ENTREP2: variants seen among roughly 807,000 people sequenced by gnomAD.
ENTREP2 encodes endosomal transmembrane epsin interactor 2.
chr15:29,631,520 C>T, the ENTREP2 span, among the ~76,000 whole-genome samples: 7 of 152,160 alleles, frequency 4.6e-5, no homozygotes, highest in East Asian at 1.9e-4. Context: ...GTGCCACCTG[C>T]GGGGCACTCT....
the ENTREP2 span, among the ~76,000 whole-genome samples, chr15:29,513,212 A>T: frequency 6.6e-6 from 1 of 152,170 alleles, no homozygotes; most frequent in African/African-American, 2.4e-5. Context: ...AGGGACCACA[A>T]GGGCCGCCTG....
chr15:29,435,222 C>G, the ENTREP2 span, among the ~76,000 whole-genome samples: 12 of 152,138 alleles, frequency 7.9e-5, no homozygotes, highest in African/African-American at 2.2e-4. Context: ...GTTTTTAAGA[C>G]AGCAAGAAAC....
At chr15:29,482,164 A>AT in the ENTREP2 span, among the ~76,000 whole-genome samples, 1,552 of 135,224 alleles carry the variant, frequency 0.011, 35 homozygotes, top group East Asian at 0.034. Flanking sequence ...CAGGCAGCTA[A>AT]TTTTTTTTTT....
the ENTREP2 span, among the ~76,000 whole-genome samples, chr15:29,257,150 C>T: frequency 3.3e-5 from 5 of 151,630 alleles, no homozygotes; most frequent in Admixed American, 6.6e-5. Context: ...CTCGACTCAC[C>T]GCAGTCTCCA....
chr15:29,330,343 G>A, the ENTREP2 span, among the ~76,000 whole-genome samples: 2 of 151,978 alleles, frequency 1.3e-5, no homozygotes, highest in Non-Finnish European at 2.9e-5. Flanking sequence ...CAGCTACTCA[G>A]GAGGCTGAGG....
chr15:29,530,112 G>A, the ENTREP2 span, among the ~76,000 whole-genome samples: 9 of 152,092 alleles, frequency 5.9e-5, no homozygotes, highest in African/African-American at 1.7e-4. Context: ...TCCCATGCTC[G>A]GATGTACGGA....
chr15:29,510,785 C>T, the ENTREP2 span, among the ~76,000 whole-genome samples: 10 of 140,338 alleles, frequency 7.1e-5, no homozygotes, highest in African/African-American at 1.9e-4. Flanking sequence ...ACTCCAGCCT[C>T]GGCGACAGAG....
chr15:29,224,415 G>C, the ENTREP2 span, among the ~76,000 whole-genome samples: 6 of 152,234 alleles, frequency 3.9e-5, no homozygotes, highest in South Asian at 4.2e-4. Context: ...CTGCTGGCTC[G>C]GGCAGCCCGC....
the ENTREP2 span, among the ~76,000 whole-genome samples, chr15:29,371,228 C>A: frequency 6.6e-6 from 1 of 152,010 alleles, no homozygotes; most frequent in Non-Finnish European, 1.5e-5. Context: ...GTGGATCTTG[C>A]CAGTCAGCAC....
the ENTREP2 span, chr15:29,376,584 ACAG>A: frequency 7.0e-6 from 1 of 143,610 alleles, no homozygotes; most frequent in Non-Finnish European, 1.5e-5. Flanking sequence ...ACACACACAC[ACAG>A]CATTTCCCTT....
At chr15:29,481,269 G>A in the ENTREP2 span, among the ~76,000 whole-genome samples, 1,534 of 152,224 alleles carry the variant, frequency 0.01, 26 homozygotes, top group African/African-American at 0.035. Context: ...TGGGAATGCC[G>A]TTAAAATGCA....
At chr15:29,468,327 C>A in the ENTREP2 span, among the ~76,000 whole-genome samples, 4 of 151,992 alleles carry the variant, frequency 2.6e-5, no homozygotes, top group Non-Finnish European at 4.4e-5. Context: ...TAAGAAAAGA[C>A]AGGCTGGGCA....
the ENTREP2 span, among the ~76,000 whole-genome samples, chr15:29,412,375 G>T: frequency 6.6e-6 from 1 of 151,322 alleles, no homozygotes; most frequent in African/African-American, 2.4e-5. Flanking sequence ...TTCTCTCTGT[G>T]GCTGAAGTAT....
chr15:29,647,754 G>A, the ENTREP2 span, among the ~76,000 whole-genome samples: 5 of 152,040 alleles, frequency 3.3e-5, no homozygotes, highest in South Asian at 2.1e-4. Context: ...TACCTCTCCC[G>A]GAAAACCCTC....
At chr15:29,588,913 C>A in the ENTREP2 span, among the ~76,000 whole-genome samples, 1 of 151,304 alleles carries the variant, frequency 6.6e-6, no homozygotes, top group East Asian at 1.9e-4. Flanking sequence ...CACTTGAGCC[C>A]TGGGAAGTTG....
chr15:29,603,457 G>A, the ENTREP2 span, among the ~76,000 whole-genome samples: 6 of 152,044 alleles, frequency 3.9e-5, no homozygotes, highest in African/African-American at 1.4e-4. Context: ...ACCAGACGAG[G>A]TGATAGAAAC....
the ENTREP2 span, among the ~76,000 whole-genome samples, chr15:29,276,765 G>A: frequency 3.9e-3 from 593 of 152,336 alleles, 3 homozygotes; most frequent in African/African-American, 0.013. Context: ...AATCTGCTTT[G>A]AGTTGGTTCC....
the ENTREP2 span, among the ~76,000 whole-genome samples, chr15:29,661,022 T>A: frequency 2.8e-4 from 43 of 152,182 alleles, no homozygotes; most frequent in African/African-American, 9.4e-4. Context: ...GCATTAATGA[T>A]ATTTACATGA....
chr15:29,224,108 G>A, the ENTREP2 span, among the ~76,000 whole-genome samples: 5 of 152,168 alleles, frequency 3.3e-5, no homozygotes, highest in Admixed American at 1.3e-4. Flanking sequence ...TCTGGTGTTC[G>A]GATGCGTTCA....
Sources: allele counts gnomAD v4.1 joint callset (sites outside exome capture counted in the v4.1 genomes callset), GRCh38; gene constraint gnomAD v4.1.1; transcripts MANE v1.5; gene names NCBI Gene and HGNC (gene_info 2026-07-23, HGNC 2026-07-21).